The following EYS variants were observed in gnomAD, a reference collection of about 807,000 sequenced individuals.
The protein encoded by EYS is protein eyes shut homolog.
Under a neutral mutation model 282.1 loss-of-function variants are expected in EYS, and 250 were observed. That is an observed-to-expected ratio of 0.89 (90% CI 0.80 to 0.98). EYS has a LOEUF of 0.98. Among genes scored for constraint, EYS ranks in the 50% least tolerant of loss-of-function variants. The pLI is 0.00. For missense variants in EYS, 4,016 were observed against 3,709.0 expected (o/e 1.08, Z -2.15); for synonymous variants, 1,355 against 1,282.9 (o/e 1.06, Z -1.20).
intron 21 of EYS, among the ~76,000 whole-genome samples, chr6:64,817,836 T>G (rs958532899): frequency 7.9e-5 from 12 of 152,316 alleles, no homozygotes; most frequent in Non-Finnish European, 1.6e-4. Context: ...ATTTTCTTTA[T>G]CCAATCCACC....
chr6:64,259,775 G>C (rs1357852327), intron 30 of EYS, among the ~76,000 whole-genome samples: 1 of 142,176 alleles, frequency 7.0e-6, no homozygotes, highest in Non-Finnish European at 1.5e-5. Flanking sequence ...GTATATCTCT[G>C]GTGAAATTTT....
chr6:64,858,597 T>C (rs1431872682), intron 19 of EYS, among the ~76,000 whole-genome samples: 1 of 152,134 alleles, frequency 6.6e-6, no homozygotes, highest in Non-Finnish European at 1.5e-5. Flanking sequence ...TGTAGTTCCA[T>C]CCAAATTTAA....
intron 26 of EYS, among the ~76,000 whole-genome samples, chr6:64,528,186 C>T (rs1215459995): frequency 6.6e-6 from 1 of 151,696 alleles, no homozygotes; most frequent in Non-Finnish European, 1.5e-5. Flanking sequence ...TTTCATGTTC[C>T]TCCAGGTTTT....
At chr6:63,963,924 G>A (rs1264628980) in intron 35 of EYS, among the ~76,000 whole-genome samples, 1 of 152,120 alleles carries the variant, frequency 6.6e-6, no homozygotes, top group Admixed American at 6.6e-5. Context: ...CTTGCTAGTA[G>A]CAGGAATTTT....
chr6:64,142,573 A>G (rs114008083), intron 31 of EYS, among the ~76,000 whole-genome samples: 3,739 of 152,286 alleles, frequency 0.025, 133 homozygotes, highest in African/African-American at 0.085. Flanking sequence ...GAACCAGGTC[A>G]TAGCACACCT....
intron 36 of EYS, among the ~76,000 whole-genome samples, chr6:63,833,998 G>T (rs1438491049): frequency 6.6e-6 from 1 of 152,186 alleles, no homozygotes; most frequent in Non-Finnish European, 1.5e-5. Context: ...GGGAAAACTG[G>T]CTAGCCATAT....
intron 13 of EYS, among the ~76,000 whole-genome samples, chr6:65,017,962 T>A (rs1185588026): frequency 6.6e-6 from 1 of 152,160 alleles, no homozygotes; most frequent in Non-Finnish European, 1.5e-5. Context: ...CTTAACAAAG[T>A]GCTCCCAAAT....
At chr6:64,466,769 G>A (rs1185619136) in intron 26 of EYS, among the ~76,000 whole-genome samples, 2 of 152,004 alleles carry the variant, frequency 1.3e-5, no homozygotes, top group Non-Finnish European at 2.9e-5. Context: ...AAATTGATAT[G>A]TATTGTGAGA....
intron 14 of EYS, among the ~76,000 whole-genome samples, chr6:64,978,919 T>C (rs538069877): frequency 7.2e-5 from 11 of 151,984 alleles, no homozygotes; most frequent in African/African-American, 2.4e-4. Context: ...TTGTTTATTA[T>C]GGATGAGCAA....
intron 22 of EYS, among the ~76,000 whole-genome samples, chr6:64,742,260 C>G (rs570720316): frequency 2.6e-5 from 4 of 152,122 alleles, no homozygotes; most frequent in African/African-American, 4.8e-5. Context: ...TCAGAACACA[C>G]ATTTACTGAT....
intron 22 of EYS, among the ~76,000 whole-genome samples, chr6:64,793,000 T>C (rs901340039): frequency 6.6e-6 from 1 of 152,080 alleles, no homozygotes; most frequent in Non-Finnish European, 1.5e-5. Context: ...GGAAACATAA[T>C]TTTTATGCAT....
intron 26 of EYS, among the ~76,000 whole-genome samples, chr6:64,529,575 T>A (rs1764254866): frequency 6.7e-6 from 1 of 149,098 alleles, no homozygotes; most frequent in African/African-American, 2.4e-5. Flanking sequence ...ACATCTCTTA[T>A]GTGTCACCAA....
chr6:65,512,492 CAAAA>C (rs71002313), intron 2 of EYS, among the ~76,000 whole-genome samples: 30,166 of 117,670 alleles, frequency 0.26, 3,339 homozygotes, highest in Middle Eastern at 0.32. Context: ...GACTCTATCT[CAAAA>C]AAAAAAAAAA....
intron 22 of EYS, among the ~76,000 whole-genome samples, chr6:64,637,148 G>A (rs2149867890): frequency 1.0e-5 from 1 of 96,852 alleles, no homozygotes; most frequent in African/African-American, 3.9e-5. Flanking sequence ...GCACACGTAT[G>A]TTTATTGCGG....
intron 12 of EYS, among the ~76,000 whole-genome samples, chr6:65,187,402 T>C (rs1249430209): frequency 6.6e-6 from 1 of 151,674 alleles, no homozygotes; most frequent in Non-Finnish European, 1.5e-5. Flanking sequence ...TTCAACATAT[T>C]CTAGCCTCAA....
chr6:63,993,998 T>C (rs528687356), intron 34 of EYS, among the ~76,000 whole-genome samples: 1 of 151,998 alleles, frequency 6.6e-6, no homozygotes, highest in African/African-American at 2.4e-5. Context: ...GGACACATGG[T>C]CAAATGATCT....
intron 29 of EYS, among the ~76,000 whole-genome samples, chr6:64,314,322 A>G (rs1769848939): frequency 6.6e-6 from 1 of 152,134 alleles, no homozygotes; most frequent in Non-Finnish European, 1.5e-5. Context: ...TTAATGCAAC[A>G]GGAAGAGCTA....
intron 12 of EYS, among the ~76,000 whole-genome samples, chr6:65,178,171 C>A (rs1765275658): frequency 1.3e-5 from 2 of 151,920 alleles, no homozygotes; most frequent in African/African-American, 4.8e-5. Context: ...TGTCTGTAAG[C>A]ATTCAGACTA....
chr6:65,677,524 G>C (rs1158334982), intron 1 of EYS, among the ~76,000 whole-genome samples: 1 of 151,786 alleles, frequency 6.6e-6, no homozygotes, highest in Non-Finnish European at 1.5e-5. Context: ...GGGAATAAAT[G>C]ACTATAAAAC....
Sources: gnomAD v4.1 joint callset for allele counts (sites outside exome capture counted in the v4.1 genomes callset) on GRCh38, gnomAD v4.1.1 for gene constraint, MANE v1.5 for transcripts, NCBI Gene and HGNC (gene_info 2026-07-23, HGNC 2026-07-21) for gene names.